The following BLTP2 variants were observed in gnomAD, a reference collection of about 807,000 sequenced individuals.
BLTP2 encodes the protein bridge-like lipid transfer protein family member 2.
chr17:28,619,048 T>C, the BLTP2 span: 1 of 1,203,170 alleles, frequency 8.3e-7, no homozygotes, highest in Non-Finnish European at 1.2e-6. Flanking sequence ...TGCTCTAGAA[T>C]GATGCAGGAG....
chr17:28,633,207 C>T, the BLTP2 span: 1 of 1,598,634 alleles, frequency 6.3e-7, no homozygotes, highest in Non-Finnish European at 8.6e-7. Flanking sequence ...TGGTCACTCA[C>T]TTCCCCTTGG....
chr17:28,621,569 G>T, the BLTP2 span: 4 of 1,094,220 alleles, frequency 3.7e-6, no homozygotes, highest in Non-Finnish European at 5.6e-6. Flanking sequence ...TTGGGTGACA[G>T]ATCTCCATGT....
the BLTP2 span, chr17:28,616,074 A>G: frequency 2.1e-5 from 34 of 1,584,022 alleles, no homozygotes; most frequent in Non-Finnish European, 2.8e-5. This position sits in a 1 kb window ranked among gnomAD's most constrained non-coding sequence, Gnocchi z 4.8. Flanking sequence ...CCTGTTCTAC[A>G]AAGTGCTTGA....
chr17:28,637,506 C>T, the BLTP2 span, among the ~76,000 whole-genome samples: 1 of 151,984 alleles, frequency 6.6e-6, no homozygotes, highest in African/African-American at 2.4e-5. Context: ...TTTCATAAGC[C>T]CTTAAGAAAT....
At chr17:28,640,811 G>T in the BLTP2 span, 13 of 819,840 alleles carry the variant, frequency 1.6e-5, no homozygotes, top group Non-Finnish European at 2.3e-5. Context: ...AAGCTGGATG[G>T]ACCATAAGGC....
the BLTP2 span, chr17:28,616,667 T>A: frequency 7.4e-6 from 12 of 1,614,080 alleles, no homozygotes; most frequent in African/African-American, 1.2e-4. This position sits in a 1 kb window ranked among gnomAD's most constrained non-coding sequence, Gnocchi z 4.8. Flanking sequence ...CTTCATCATC[T>A]TCCACACTTC....
At chr17:28,624,997 T>C in the BLTP2 span, among the ~76,000 whole-genome samples, 6 of 152,206 alleles carry the variant, frequency 3.9e-5, no homozygotes, top group Admixed American at 1.3e-4. Context: ...CTTTGCATCA[T>C]AGTTTACTTG....
the BLTP2 span, chr17:28,618,698 C>A: frequency 2.1e-6 from 2 of 935,066 alleles, no homozygotes; most frequent in East Asian, 4.9e-5. Flanking sequence ...CAATAATTAA[C>A]CCCCTTTTAT....
At chr17:28,638,965 G>C in the BLTP2 span, 1 of 434,142 alleles carries the variant, frequency 2.3e-6, no homozygotes, top group Admixed American at 4.2e-5. Flanking sequence ...ATAACCTTAA[G>C]TTCTCTGTGC....
chr17:28,638,428 G>A, the BLTP2 span: 1 of 1,611,536 alleles, frequency 6.2e-7, no homozygotes, highest in Non-Finnish European at 8.5e-7. Flanking sequence ...GAACAAAGGT[G>A]AGAAAGAGGG....
chr17:28,640,749 CCTGGCCT>C, the BLTP2 span: 1 of 1,519,354 alleles, frequency 6.6e-7, no homozygotes, highest in African/African-American at 1.4e-5. Context: ...CCCGAAATGC[CCTGGCCT>C]CTATGGTCAA....
the BLTP2 span, chr17:28,624,541 T>G: frequency 1.7e-6 from 1 of 583,370 alleles, no homozygotes; most frequent in Non-Finnish European, 2.9e-6. Context: ...GCCCAGCCCA[T>G]CCCTTGACCC....
chr17:28,642,319 T>C, the BLTP2 span: 1 of 1,614,120 alleles, frequency 6.2e-7, no homozygotes, highest in African/African-American at 1.3e-5. Context: ...TTACATAAGC[T>C]CACCTCACAG....
the BLTP2 span, chr17:28,632,827 C>T: frequency 9.5e-5 from 69 of 722,520 alleles, no homozygotes; most frequent in Middle Eastern, 4.3e-4. Context: ...AACCTAGATT[C>T]TCCCTTGCCC....
chr17:28,645,065 G>A, the BLTP2 span: 1 of 1,589,634 alleles, frequency 6.3e-7, no homozygotes, highest in Non-Finnish European at 8.6e-7. Context: ...ATTTAGGTCC[G>A]GGTCCGGCCC....
At chr17:28,645,063 C>G in the BLTP2 span, 49 of 1,589,796 alleles carry the variant, frequency 3.1e-5, no homozygotes, top group South Asian at 5.3e-4. Flanking sequence ...GCATTTAGGT[C>G]CGGGTCCGGC....
the BLTP2 span, chr17:28,642,086 G>A: frequency 6.2e-7 from 1 of 1,612,862 alleles, no homozygotes; most frequent in African/African-American, 1.3e-5. Flanking sequence ...CTCCTGTGGG[G>A]ATGATAAGCC....
chr17:28,637,718 C>T, the BLTP2 span: 4 of 905,960 alleles, frequency 4.4e-6, no homozygotes, highest in Admixed American at 7.1e-5. Flanking sequence ...TTTGCCCAGG[C>T]TCGAGTGCAG....
At chr17:28,629,468 TTTTATTTA>T in the BLTP2 span, among the ~76,000 whole-genome samples, 1 of 151,880 alleles carries the variant, frequency 6.6e-6, no homozygotes, top group Admixed American at 6.6e-5. Context: ...TTTATTTATT[TTTTATTTA>T]TTTATTTATT....
Sources: gnomAD v4.1 joint callset for allele counts (sites outside exome capture counted in the v4.1 genomes callset) on GRCh38, gnomAD v4.1.1 for gene constraint, Gnocchi (gnomAD v3.1) non-coding constraint, MANE v1.5 for transcripts, NCBI Gene and HGNC (gene_info 2026-07-23, HGNC 2026-07-21) for gene names.